Variants in KCND2 observed in about 807,000 individuals in gnomAD.
The protein encoded by KCND2 is A-type voltage-gated potassium channel KCND2.
A neutral mutation model predicts 54.4 loss-of-function variants in KCND2; 16 were observed. The ratio of observed to expected loss-of-function variants is 0.29; its 90% CI spans 0.20 to 0.45. The LOEUF (loss-of-function observed/expected upper bound fraction) is 0.45. Among genes scored for constraint, KCND2 ranks in the 20% least tolerant of loss-of-function variants. The probability of loss-of-function intolerance (pLI) is 1.00; values close to 1 mark genes in which losing one functional copy is unlikely to be tolerated. For synonymous variants in KCND2, 317 were observed against 310.7 expected (o/e 1.02, Z -0.21); for missense variants, 486 against 824.2 (o/e 0.59, Z 5.02).
intron 1 of KCND2, among the ~76,000 whole-genome samples, chr7:120,390,369 T>G (rs1801055635): frequency 6.6e-6 from 1 of 151,962 alleles, no homozygotes; most frequent in Admixed American, 6.6e-5. Context: ...GTGATTTCCA[T>G]CATTTACGGA....
At chr7:120,642,422 C>T (rs1482292689) in intron 1 of KCND2, among the ~76,000 whole-genome samples, 1 of 148,826 alleles carries the variant, frequency 6.7e-6, no homozygotes, top group Non-Finnish European at 1.5e-5. Flanking sequence ...AAAAGCAGGG[C>T]GTGCTAGCGC....
chr7:120,555,871 A>G (rs1411233698), intron 1 of KCND2, among the ~76,000 whole-genome samples: 1 of 152,212 alleles, frequency 6.6e-6, no homozygotes, highest in Non-Finnish European at 1.5e-5. Context: ...ATCCAGAGAG[A>G]TATTTTCCCT....
intron 1 of KCND2, among the ~76,000 whole-genome samples, chr7:120,475,997 A>T (rs1276781385): frequency 1.3e-5 from 2 of 152,218 alleles, no homozygotes; most frequent in Non-Finnish European, 2.9e-5. Context: ...ATCAATCCTT[A>T]AAAATGCTTC....
At chr7:120,609,736 A>G (rs543251281) in intron 1 of KCND2, among the ~76,000 whole-genome samples, 22 of 152,272 alleles carry the variant, frequency 1.4e-4, no homozygotes, top group African/African-American at 5.3e-4. Flanking sequence ...GTTCCCAGCT[A>G]TGTAATTTTC....
At chr7:120,447,354 GA>G (rs1167825585) in intron 1 of KCND2, among the ~76,000 whole-genome samples, 3,991 of 123,144 alleles carry the variant, frequency 0.032, 78 homozygotes, top group Non-Finnish European at 0.052. Flanking sequence ...GTACCCTGGT[GA>G]AAAAAAAAAA....
intron 1 of KCND2, among the ~76,000 whole-genome samples, chr7:120,623,021 T>C (rs568437988): frequency 1.6e-4 from 25 of 152,110 alleles, no homozygotes; most frequent in African/African-American, 2.2e-4. Flanking sequence ...AATAGTAATA[T>C]AATAGACAAG....
intron 1 of KCND2, among the ~76,000 whole-genome samples, chr7:120,313,885 C>T (rs1281469367): frequency 2.0e-5 from 3 of 151,428 alleles, no homozygotes; most frequent in African/African-American, 7.3e-5. Flanking sequence ...AATAAGTAAT[C>T]CTGGGAATTT....
At chr7:120,443,614 C>G (rs950586578) in intron 1 of KCND2, among the ~76,000 whole-genome samples, 1 of 151,972 alleles carries the variant, frequency 6.6e-6, no homozygotes, top group East Asian at 1.9e-4. Flanking sequence ...ACAACACTTT[C>G]AAAGTCTGAT....
intron 1 of KCND2, among the ~76,000 whole-genome samples, chr7:120,523,605 A>G (rs1301786727): frequency 6.7e-6 from 1 of 148,996 alleles, no homozygotes; most frequent in Non-Finnish European, 1.5e-5. Context: ...ACGTACACAC[A>G]TATATGCACA....
chr7:120,362,659 G>A (rs1263496317), intron 1 of KCND2, among the ~76,000 whole-genome samples: 1 of 152,044 alleles, frequency 6.6e-6, no homozygotes, highest in Non-Finnish European at 1.5e-5. Flanking sequence ...CCTTTTGAAA[G>A]TCATTTATCC....
chr7:120,467,920 T>C (rs773911889), intron 1 of KCND2, among the ~76,000 whole-genome samples: 1 of 152,092 alleles, frequency 6.6e-6, no homozygotes, highest in African/African-American at 2.4e-5. Context: ...GGTACTTCTG[T>C]AGTATTTTTG....
chr7:120,428,148 C>T (rs1223182322), intron 1 of KCND2, among the ~76,000 whole-genome samples: 1 of 152,130 alleles, frequency 6.6e-6, no homozygotes, highest in East Asian at 1.9e-4. Flanking sequence ...AAATATAAGA[C>T]ATCTGCCAAC....
chr7:120,403,912 T>G (rs542756675), intron 1 of KCND2, among the ~76,000 whole-genome samples: 1 of 152,250 alleles, frequency 6.6e-6, no homozygotes, highest in East Asian at 1.9e-4. Context: ...TCTCAAGGTA[T>G]TTTTGCACAT....
At chr7:120,504,124 T>G (rs1014400032) in intron 1 of KCND2, among the ~76,000 whole-genome samples, 3 of 152,006 alleles carry the variant, frequency 2.0e-5, no homozygotes, top group Non-Finnish European at 4.4e-5. Flanking sequence ...AGTAATTAAG[T>G]AACTCTTTTT....
At chr7:120,669,781 A>T (rs1370487712) in intron 1 of KCND2, among the ~76,000 whole-genome samples, 3 of 152,136 alleles carry the variant, frequency 2.0e-5, no homozygotes, top group Non-Finnish European at 2.9e-5. Context: ...CTAAACTCTT[A>T]TGAGTCAACC....
At chr7:120,630,690 A>G (rs1255669867) in intron 1 of KCND2, among the ~76,000 whole-genome samples, 1 of 152,216 alleles carries the variant, frequency 6.6e-6, no homozygotes, top group Non-Finnish European at 1.5e-5. Flanking sequence ...CATTAAAAGA[A>G]TGACAGAATT....
chr7:120,507,486 T>C (rs1803043489), intron 1 of KCND2, among the ~76,000 whole-genome samples: 1 of 151,882 alleles, frequency 6.6e-6, no homozygotes, highest in Non-Finnish European at 1.5e-5. Flanking sequence ...TTCTGGCAAA[T>C]GGGATGTAAG....
At chr7:120,433,072 A>T (rs1421452904) in intron 1 of KCND2, among the ~76,000 whole-genome samples, 1 of 152,114 alleles carries the variant, frequency 6.6e-6, no homozygotes, top group Admixed American at 6.5e-5. Flanking sequence ...GACTTTTCAG[A>T]CACACAGGAA....
At chr7:120,632,995 C>G (rs1259801446) in intron 1 of KCND2, among the ~76,000 whole-genome samples, 2 of 152,180 alleles carry the variant, frequency 1.3e-5, no homozygotes, top group Non-Finnish European at 2.9e-5. Context: ...TTAAAACCTG[C>G]AACAATTCTC....
Sources: allele counts gnomAD v4.1 joint callset (sites outside exome capture counted in the v4.1 genomes callset), GRCh38; gene constraint gnomAD v4.1.1; transcripts MANE v1.5; gene names NCBI Gene and HGNC (gene_info 2026-07-23, HGNC 2026-07-21).